Variants in SH3D19 observed in about 807,000 individuals in gnomAD.
The protein encoded by SH3D19 is SH3 domain-containing protein 19.
SH3D19 carries 58 observed loss-of-function variants against 112.1 expected under a neutral mutation model. The ratio of observed to expected loss-of-function variants is 0.52; its 90% CI spans 0.42 to 0.64. The LOEUF (loss-of-function observed/expected upper bound fraction) is 0.64, where lower values mean the gene tolerates loss of function less well. Ranked by LOEUF, SH3D19 falls within the 30% of genes least tolerant of loss-of-function variation. SH3D19 has a pLI of 0.00. For missense variants in SH3D19, 1,090 were observed against 1,263.4 expected, an observed-to-expected ratio of 0.86 and a Z score of 2.08; for synonymous variants, 391 against 448.5, an observed-to-expected ratio of 0.87 and a Z score of 1.62.
intron 1 of SH3D19, among the ~76,000 whole-genome samples, chr4:151,252,264 T>G (rs1771477256): frequency 6.6e-6 from 1 of 152,232 alleles, no homozygotes. Context: ...CAGCCTCTTC[T>G]GCCAGCTGTT....
intron 1 of SH3D19, among the ~76,000 whole-genome samples, chr4:151,299,115 T>A (rs753522765): frequency 5.9e-5 from 9 of 152,366 alleles, no homozygotes; most frequent in Non-Finnish European, 1.2e-4. Context: ...TAGTTTATGA[T>A]AACAGAAAGC....
intron 1 of SH3D19, among the ~76,000 whole-genome samples, chr4:151,238,659 C>T (rs1770320157): frequency 6.6e-6 from 1 of 151,968 alleles, no homozygotes; most frequent in South Asian, 2.1e-4. Context: ...ACATTTTCTG[C>T]TTGGATGAGG....
chr4:151,194,845 G>A (rs1763175276), intron 2 of SH3D19, among the ~76,000 whole-genome samples: 1 of 151,984 alleles, frequency 6.6e-6, no homozygotes, highest in South Asian at 2.1e-4. Flanking sequence ...CAGCACTTTG[G>A]GAGGCTGAGG....
chr4:151,300,368 A>C (rs1728267458), intron 1 of SH3D19: 2 of 152,200 alleles, frequency 1.3e-5, no homozygotes, highest in Admixed American at 1.3e-4. Flanking sequence ...CAAATGAAAA[A>C]AACATTTAGC....
At chr4:151,285,458 A>C (rs1774653853) in intron 1 of SH3D19, among the ~76,000 whole-genome samples, 1 of 152,222 alleles carries the variant, frequency 6.6e-6, no homozygotes, top group African/African-American at 2.4e-5. Context: ...AGAAATATGG[A>C]AATTCACAAA....
chr4:151,237,746 T>C (rs1770239851), intron 1 of SH3D19, among the ~76,000 whole-genome samples: 1 of 152,208 alleles, frequency 6.6e-6, no homozygotes, highest in South Asian at 2.1e-4. Context: ...GTATCAGGAA[T>C]ACAGAATATT....
chr4:151,142,977 C>T (rs551737313), intron 12 of SH3D19, among the ~76,000 whole-genome samples: 1 of 152,150 alleles, frequency 6.6e-6, no homozygotes, highest in Non-Finnish European at 1.5e-5. Context: ...GTGACCCATA[C>T]CTGTAATCTG....
In SH3D19 at chr4:151,265,355, G is replaced by GA. The variant is rs775172113; in HGVS notation, c.113-39270dup. Reference sequence around the variant, plus strand: ...ACACATGTGGGATGCTAAATCAGTTGAAAAAAAAAAAAAGAGGATAGAATG... The same window carrying GA: ...ACACATGTGGGATGCTAAATCAGTTGAAAAAAAAAAAAAAGAGGATAGAATG... On this transcript the variant is annotated intron_variant, in intron 1 of 19. Coordinates refer to ENST00000604030, the MANE Select transcript of SH3D19 (RefSeq NM_001378122.1). 7.3e-3 allele frequency among the ~76,000 whole-genome samples: 909 copies of GA among 124,994 alleles called. 5 individuals carry two copies. The highest frequency in any genetic ancestry group is 0.017 in the East Asian group (73 of 4,310). 82.0% of individuals were successfully genotyped at this position (124,994 alleles called of 152,430 possible).
intron 1 of SH3D19, among the ~76,000 whole-genome samples, chr4:151,258,646 A>G (rs1772128632): frequency 6.6e-6 from 1 of 152,154 alleles, no homozygotes. Flanking sequence ...CTCCCAGGAC[A>G]GCAGGGGACG....
chr4:151,324,425 T>C (rs1730845923), intron 1 of SH3D19, among the ~76,000 whole-genome samples: 1 of 152,152 alleles, frequency 6.6e-6, no homozygotes. Flanking sequence ...CCAGTCCCCC[T>C]AGGTTTGTTC....
rs772315820 is a variant in SH3D19 at position 151,175,259 on chromosome 4, T to C, written c.945A>G (p.Pro315=). Residue 315 remains proline, a synonymous_variant, in exon 7 of 20, where the codon CCA becomes CCG. Transcript: ENST00000604030. ...NIETSGLPKK[P]EITPRSLPPK... is the part of the protein sequence containing the mutation. ...GAGGAAGTGAACGTGGAGTAATTTC[T>C]GGTTTCTTGGGCAGTCCTGAGGTTT... The C allele has an allele frequency of 4.3e-6, 7 of 1,614,102 alleles. No homozygotes were observed. The African/African-American group carries it at 8.0e-5, about 18-fold the overall frequency.
At chr4:151,301,169 T>C (rs1215697551) in intron 1 of SH3D19, among the ~76,000 whole-genome samples, 1 of 152,224 alleles carries the variant, frequency 6.6e-6, no homozygotes, top group African/African-American at 2.4e-5. Flanking sequence ...TTCTCCATGG[T>C]TTAACACCAT....
chr4:151,242,054 G>T lies in SH3D19; in HGVS notation c.113-15968C>A, dbSNP rs183822056. ...AAAAAACAAAAAATTTGGCAGGCAT[G>T]GTGGTGCAAGCCTGCAGTCTCAGCA... On this transcript the variant is annotated intron_variant, in intron 1 of 19. Transcript: ENST00000604030. 9.2e-3 allele frequency among the ~76,000 whole-genome samples: 1,395 copies of T among 152,010 alleles called. 14 individuals carry two copies. The highest frequency in any genetic ancestry group is 0.031 in the Middle Eastern group (9 of 294).
At chr4:151,307,765 A>G (rs1729062682) in intron 1 of SH3D19, among the ~76,000 whole-genome samples, 2 of 152,252 alleles carry the variant, frequency 1.3e-5, no homozygotes, top group Non-Finnish European at 2.9e-5. Context: ...GAAGTTTTGC[A>G]TATTAGCATG....
intron 1 of SH3D19, among the ~76,000 whole-genome samples, chr4:151,262,048 G>A (rs1383103162): frequency 1.3e-5 from 2 of 151,962 alleles, no homozygotes; most frequent in Admixed American, 6.6e-5. Context: ...ACTTAAATCC[G>A]CATTCTGTTT....
chr4:151,169,928 C>T (rs760166811), intron 7 of SH3D19, among the ~76,000 whole-genome samples: 3 of 152,154 alleles, frequency 2.0e-5, no homozygotes, highest in Non-Finnish European at 4.4e-5. Flanking sequence ...TGTCCATCAA[C>T]AGGGGAAATA....
Position 151,277,318 on chromosome 4 carries a change from G to C in SH3D19, c.112+47923C>G, listed in dbSNP as rs192779766. 401 of 1,018,426 alleles carry C rather than the reference G, an allele frequency of 3.9e-4. 2 individuals carry two copies. The African/African-American group carries it at 6.0e-3, about 15-fold the overall frequency. 63.1% of individuals were successfully genotyped at this position (1,018,426 alleles called of 1,614,324 possible). On this transcript the variant is annotated intron_variant, in intron 1 of 19. Coordinates refer to ENST00000604030, the MANE Select transcript of SH3D19 (RefSeq NM_001378122.1). ...CAATGTGACACTTCACCCATGGGAT[G>C]TTAGTTATGAGTAGCACAGCCTGAG...
intron 1 of SH3D19, among the ~76,000 whole-genome samples, chr4:151,279,568 A>T (rs1433545683): frequency 6.6e-6 from 1 of 152,152 alleles, no homozygotes; most frequent in Non-Finnish European, 1.5e-5. Flanking sequence ...TTTCTTCCTT[A>T]GGTTCTTGCT....
intron 1 of SH3D19, among the ~76,000 whole-genome samples, chr4:151,231,020 A>G (rs974525003): frequency 1.3e-5 from 2 of 152,208 alleles, no homozygotes; most frequent in Non-Finnish European, 2.9e-5. Context: ...ATTATTTTTA[A>G]AATATGGATG....
Sources: allele counts gnomAD v4.1 joint callset (sites outside exome capture counted in the v4.1 genomes callset), GRCh38; gene constraint gnomAD v4.1.1; transcripts MANE v1.5; gene names NCBI Gene and HGNC (gene_info 2026-07-23, HGNC 2026-07-21).